KCNQ1OT1: variants seen among roughly 807,000 people sequenced by gnomAD.
The protein encoded by KCNQ1OT1 is KCNQ1 antisense RNA 2 (non-protein coding).
At position 2,690,874 on chromosome 11, in the gene KCNQ1OT1, G is replaced by GT. The variant is rs1850576699; in HGVS notation, n.9120dup. The GT allele has an allele frequency of 2.5e-6, 1 of 398,506 alleles. No homozygotes were observed. The allele number at this position is 398,506 out of a possible 1,614,324, so 24.7% of individuals were successfully genotyped here. ...CAGGTACCTTTAGGGACACAGGAGT[G>GT]TAAGCCACTGTTTCCGTCTGGGTTT... On this transcript the variant is annotated non_coding_transcript_exon_variant, in exon 1 of 1. Coordinates refer to ENST00000597346, the Ensembl canonical transcript of KCNQ1OT1. This position sits in a 1 kb window ranked among gnomAD's most constrained non-coding sequence, Gnocchi z 5.1.
chr11:2,695,436 G>A lies in KCNQ1OT1; in HGVS notation n.4559C>T. ...ATGTACTGAGGCCCTCTTTCTGTTTGGCATTTGTGTCACTCAGCACTGTGT... is the reference window on the plus strand; with the variant it reads ...ATGTACTGAGGCCCTCTTTCTGTTTAGCATTTGTGTCACTCAGCACTGTGT... On this transcript the variant is annotated non_coding_transcript_exon_variant, in exon 1 of 1. Coordinates refer to ENST00000597346, the Ensembl canonical transcript of KCNQ1OT1. This position sits in a 1 kb window ranked among gnomAD's most constrained non-coding sequence, Gnocchi z 5.2. 1 of 398,432 alleles carries A rather than the reference G, an allele frequency of 2.5e-6. No individual in the cohort carries two copies. Among genetic ancestry groups the A allele is most frequent in the Non-Finnish European group, 4.4e-6 (1 of 226,084 alleles). 24.7% of individuals were successfully genotyped at this position (398,432 alleles called of 1,614,324 possible). A position where few individuals can be genotyped will look rare whatever the true frequency, so the allele number is the denominator to read the frequency against.
In KCNQ1OT1 at chr11:2,699,714, A is replaced by AAAAGCCCC. The variant is rs1287006332; in HGVS notation, n.280_281insGGGGCTTT. ...GGGTGCCCCGAGGAGAACGGCGCCG[A>AAAAGCCCC]GGAGTCCCCGGGGAGAACTGCGCCG... On this transcript the variant is annotated non_coding_transcript_exon_variant, in exon 1 of 1. Coordinates refer to ENST00000597346, the Ensembl canonical transcript of KCNQ1OT1. 284 of 218,520 alleles carry AAAAGCCCC rather than the reference A, an allele frequency of 1.3e-3. 2 individuals are homozygous for AAAAGCCCC. The highest frequency in any genetic ancestry group is 4.6e-3 in the Middle Eastern group (4 of 876). The allele number at this position is 218,520 out of a possible 1,614,324, so 13.5% of individuals were successfully genotyped here.
chr11:2,685,216 C>T, exon 1 of KCNQ1OT1: 1 of 398,676 alleles, frequency 2.5e-6, no homozygotes, highest in Non-Finnish European at 4.4e-6. Flanking sequence ...ACAGCTCACA[C>T]ACGGAGGCAC....
At chr11:2,641,727 G>T (rs1333131261) in exon 1 of KCNQ1OT1, 1 of 398,254 alleles carries the variant, frequency 2.5e-6, no homozygotes, top group Admixed American at 4.4e-5. Context: ...GTCCTAAAGT[G>T]TTTCCCCAAT....
exon 1 of KCNQ1OT1, chr11:2,640,901 C>G (rs1849565939): frequency 2.5e-6 from 1 of 399,498 alleles, no homozygotes; most frequent in Admixed American, 4.4e-5. Context: ...TTTTATAGCT[C>G]CCACATATGA....
chr11:2,634,861 T>C (rs1227597898), exon 1 of KCNQ1OT1: 7 of 152,240 alleles, frequency 4.6e-5, no homozygotes, highest in African/African-American at 1.7e-4. Flanking sequence ...GAATTTTTAA[T>C]GATTGCCATT....
rs990140915 is a variant in KCNQ1OT1, at chr11:2,626,480, C to A, written n.73515G>T. On this transcript the variant is annotated non_coding_transcript_exon_variant, in exon 1 of 1. Coordinates refer to ENST00000597346, the Ensembl canonical transcript of KCNQ1OT1. This position sits in a 1 kb window ranked among gnomAD's most constrained non-coding sequence, Gnocchi z 4.0. Reference sequence around the variant, plus strand: ...TATTCAATTCCATTGGTCTCTACATCTTTATGTCAATACCACATAGTTTTG... The same window carrying A: ...TATTCAATTCCATTGGTCTCTACATATTTATGTCAATACCACATAGTTTTG... 2.8e-5 allele frequency: 11 copies of A among 398,582 alleles called. No homozygotes were observed. In the Admixed American group the frequency reaches 3.5e-4, roughly 13 times the overall value. 24.7% of individuals were successfully genotyped at this position (398,582 alleles called of 1,614,324 possible).
chr11:2,610,862 G>A (rs1049477808), exon 1 of KCNQ1OT1: 3 of 397,948 alleles, frequency 7.5e-6, no homozygotes, highest in African/African-American at 6.2e-5. Flanking sequence ...ATTAAGCAGA[G>A]TGCCACATAG....
At position 2,668,096 on chromosome 11, in the gene KCNQ1OT1, A is replaced by G. The variant is rs1850116256; in HGVS notation, n.31899T>C. On this transcript the variant is annotated non_coding_transcript_exon_variant, in exon 1 of 1. Transcript: ENST00000597346. This position sits in a 1 kb window ranked among gnomAD's most constrained non-coding sequence, Gnocchi z 4.3. Reference sequence around the variant, plus strand: ...TGCAACTCATACACCTTTGTGTCCAATGTCCCTCACTCAATTTGATGTCTG... The same window carrying G: ...TGCAACTCATACACCTTTGTGTCCAGTGTCCCTCACTCAATTTGATGTCTG... 4 of 398,534 alleles carry G rather than the reference A, an allele frequency of 1.0e-5. No homozygotes were observed. Among genetic ancestry groups the G allele is most frequent in the South Asian group, 2.6e-4 (2 of 7,838 alleles). The allele number at this position is 398,534 out of a possible 1,614,324, so 24.7% of individuals were successfully genotyped here. A position where few individuals can be genotyped will look rare whatever the true frequency, so the allele number is the denominator to read the frequency against.
chr11:2,615,941 A>C (rs777784713), exon 1 of KCNQ1OT1: 19 of 397,972 alleles, frequency 4.8e-5, no homozygotes, highest in Admixed American at 1.3e-4. Flanking sequence ...GATTGGTGTG[A>C]ATTCTTCAAG....
At chr11:2,665,173 C>T in exon 1 of KCNQ1OT1, 1 of 398,750 alleles carries the variant, frequency 2.5e-6, no homozygotes, top group South Asian at 1.3e-4. Flanking sequence ...CTCTGGGCGG[C>T]CAGGACTCAG....
At chr11:2,638,599 C>G (rs1008385204) in exon 1 of KCNQ1OT1, 1 of 152,166 alleles carries the variant, frequency 6.6e-6, no homozygotes, top group East Asian at 1.9e-4. Flanking sequence ...TCTCTGGCTG[C>G]CCTTAACATT....
rs1041601485 is a variant in KCNQ1OT1, at chr11:2,682,787, C to T, written n.17208G>A. 7.5e-6 allele frequency: 3 copies of T among 398,656 alleles called. No individual in the cohort carries two copies. Among genetic ancestry groups the T allele is most frequent in the Non-Finnish European group, 8.8e-6 (2 of 226,096 alleles). 24.7% of individuals were successfully genotyped at this position (398,656 alleles called of 1,614,324 possible). ...CTAGAAATGCAGGGAAATCTGGGCA[C>T]CATGAAATGCAGTGACTTGCAGTGA... is the stretch of plus-strand genomic sequence containing the variant. On this transcript the variant is annotated non_coding_transcript_exon_variant, in exon 1 of 1. Coordinates refer to ENST00000597346, the Ensembl canonical transcript of KCNQ1OT1. The surrounding 1 kb of genome is among the most constrained non-coding windows in gnomAD (Gnocchi z 5.8).
exon 1 of KCNQ1OT1, chr11:2,660,256 C>A: frequency 2.5e-6 from 1 of 398,202 alleles, no homozygotes; most frequent in South Asian, 1.3e-4. Flanking sequence ...ATCATCTGTC[C>A]TATCAGGCAT....
chr11:2,680,001 C>A, exon 1 of KCNQ1OT1: 1 of 396,872 alleles, frequency 2.5e-6, no homozygotes, highest in Non-Finnish European at 4.4e-6. Flanking sequence ...TCAAGCAATT[C>A]TCCTGCCTTA....
chr11:2,691,577 C>A lies in KCNQ1OT1; in HGVS notation n.8418G>T. ...AGGTTATGAAATACCTCAGCAAGGA[C>A]GAGGCCTCCCTGAGGGAGTCAACCT... On this transcript the variant is annotated non_coding_transcript_exon_variant, in exon 1 of 1. Coordinates refer to ENST00000597346, the Ensembl canonical transcript of KCNQ1OT1. This position sits in a 1 kb window ranked among gnomAD's most constrained non-coding sequence, Gnocchi z 6.4. The A allele has an allele frequency of 2.5e-6, 1 of 398,548 alleles. No individual in the cohort carries two copies. Among genetic ancestry groups the A allele is most frequent in the South Asian group, 1.3e-4 (1 of 7,856 alleles). The allele number at this position is 398,548 out of a possible 1,614,324, so 24.7% of individuals were successfully genotyped here. A position where few individuals can be genotyped will look rare whatever the true frequency, so the allele number is the denominator to read the frequency against.
chr11:2,677,203 G>C lies in KCNQ1OT1; in HGVS notation n.22792C>G, dbSNP rs1850308954. 2.5e-6 allele frequency: 1 copy of C among 398,310 alleles called. No individual in the cohort carries two copies. The highest frequency in any genetic ancestry group is 2.1e-5 in the African/African-American group (1 of 48,558). 24.7% of individuals were successfully genotyped at this position (398,310 alleles called of 1,614,324 possible). A position where few individuals can be genotyped will look rare whatever the true frequency, so the allele number is the denominator to read the frequency against. On this transcript the variant is annotated non_coding_transcript_exon_variant, in exon 1 of 1. Coordinates refer to ENST00000597346, the Ensembl canonical transcript of KCNQ1OT1. The surrounding 1 kb of genome is among the most constrained non-coding windows in gnomAD (Gnocchi z 4.5). ...TGTATCTCTGCTGACTGACCTCTTTGGCTGTCTCTTGTCAACCAAAGACAA... is the reference window on the plus strand; with the variant it reads ...TGTATCTCTGCTGACTGACCTCTTTCGCTGTCTCTTGTCAACCAAAGACAA...
At chr11:2,688,809 C>T in exon 1 of KCNQ1OT1, 1 of 398,818 alleles carries the variant, frequency 2.5e-6, no homozygotes, top group Non-Finnish European at 4.4e-6. Context: ...ACACAGCCCA[C>T]CTGGCCCATC....
exon 1 of KCNQ1OT1, chr11:2,667,467 T>C: frequency 2.5e-6 from 1 of 398,564 alleles, no homozygotes; most frequent in Non-Finnish European, 4.4e-6. Flanking sequence ...GCAGATGGTG[T>C]TGGAGGATGT....
Sources: allele counts gnomAD v4.1 joint callset, GRCh38; gene constraint gnomAD v4.1.1; non-coding constraint Gnocchi (gnomAD v3.1); transcripts MANE v1.5; gene names NCBI Gene and HGNC (gene_info 2026-07-23, HGNC 2026-07-21).